Variants in ANK2 observed in about 807,000 individuals in gnomAD.
ANK2 encodes ankyrin 2, also known as ankyrin-2.
In ANK2, 83 loss-of-function variants were observed where a neutral mutation model predicts 360.5. The observed-to-expected ratio is 0.23, with a 90% CI of 0.19 to 0.28. The LOEUF is 0.28. Among genes scored for constraint, ANK2 ranks in the 10% least tolerant of loss-of-function variants. The probability of loss-of-function intolerance (pLI) is 1.00; values close to 1 mark genes in which losing one functional copy is unlikely to be tolerated. For missense variants in ANK2, 4,201 were observed against 4,795.7 expected (o/e 0.88, Z 3.66); for synonymous variants, 1,740 against 1,759.5 (o/e 0.99, Z 0.28).
chr4:113,134,079 A>T (rs1200496855), intron 1 of ANK2, among the ~76,000 whole-genome samples: 1 of 152,094 alleles, frequency 6.6e-6, no homozygotes, highest in Non-Finnish European at 1.5e-5. Context: ...AAGTGCTGAA[A>T]CCATCTATAC....
At chr4:112,856,629 G>A (rs2066472795) in intron 1 of ANK2, among the ~76,000 whole-genome samples, 1 of 152,236 alleles carries the variant, frequency 6.6e-6, no homozygotes, top group African/African-American at 2.4e-5. Context: ...TCAGGAGGCT[G>A]AGGCAGGAGA....
intron 31 of ANK2, among the ~76,000 whole-genome samples, chr4:113,337,457 T>A (rs2093694847): frequency 6.6e-6 from 1 of 152,140 alleles, no homozygotes; most frequent in Non-Finnish European, 1.5e-5. Context: ...GGCAAAAAAA[T>A]TCACATGAAT....
At chr4:113,021,927 C>T (rs2058276101) in intron 2 of ANK2, among the ~76,000 whole-genome samples, 1 of 152,150 alleles carries the variant, frequency 6.6e-6, no homozygotes, top group African/African-American at 2.4e-5. Flanking sequence ...CACTTTGAAG[C>T]TGGCAGTCCT....
Position 113,361,358 on chromosome 4 carries a change from A to G in ANK2, c.10756+461A>G, listed in dbSNP as rs186508507. The stretch of plus-strand genomic sequence containing the variant: ...ACACACATGAATGAGATATTTCACT[A>G]ATATTTTTGAGAAATGAGAGTGTTT... On this transcript the variant is annotated intron_variant, in intron 39 of 45. Transcript: ENST00000357077. Among the ~76,000 whole-genome samples, 199 of 152,226 alleles carry G rather than the reference A, an allele frequency of 1.3e-3. 1 individual carries two copies. The highest frequency in any genetic ancestry group is 4.1e-3 in the African/African-American group (171 of 41,566).
rs147636754 is a variant in ANK2 at position 113,143,577 on chromosome 4, A to T, written c.85-30839A>T. Among the ~76,000 whole-genome samples the T allele has an allele frequency of 4.3e-4, 65 of 152,330 alleles. 1 individual carries two copies. In the East Asian group the frequency reaches 8.3e-3, roughly 19 times the overall value. ...TGAATGTTTTTAAAATAGTACACTA[A>T]TTCCAAAAGTGTGCGTGGGGGAGTG... is the stretch of plus-strand genomic sequence containing the variant. On this transcript the variant is annotated intron_variant, in intron 1 of 45. Transcript: ENST00000357077.
At chr4:113,220,590 A>G (rs1376763438) in intron 4 of ANK2, among the ~76,000 whole-genome samples, 2 of 152,230 alleles carry the variant, frequency 1.3e-5, no homozygotes, top group Non-Finnish European at 2.9e-5. Context: ...AAATCCAAAG[A>G]CATAAAAAAC....
At chr4:113,181,264 C>A (rs551094735) in intron 2 of ANK2, among the ~76,000 whole-genome samples, 6 of 152,130 alleles carry the variant, frequency 3.9e-5, no homozygotes, top group Non-Finnish European at 7.3e-5. Context: ...TAGATCGGAA[C>A]AGAACACTTT....
intron 2 of ANK2, among the ~76,000 whole-genome samples, chr4:113,006,498 A>G (rs900535726): frequency 3.3e-5 from 5 of 152,212 alleles, no homozygotes; most frequent in African/African-American, 1.2e-4. Context: ...TCAGATTAGC[A>G]AACATAAGAA....
chr4:113,147,021 C>A (rs957348169), intron 1 of ANK2, among the ~76,000 whole-genome samples: 7 of 152,150 alleles, frequency 4.6e-5, no homozygotes, highest in Non-Finnish European at 1.0e-4. Flanking sequence ...GAAACTCTGT[C>A]AGACCATAGT....
the ANK2 span, among the ~76,000 whole-genome samples, chr4:112,796,551 T>C: frequency 6.6e-6 from 1 of 152,012 alleles, no homozygotes; most frequent in Non-Finnish European, 1.5e-5. Context: ...GTTCTCACCA[T>C]GTTGTTCAGG....
At chr4:112,978,912 A>C (rs2042251601) in intron 2 of ANK2, among the ~76,000 whole-genome samples, 1 of 152,256 alleles carries the variant, frequency 6.6e-6, no homozygotes, top group Admixed American at 6.5e-5. Context: ...GTGTAGGCTC[A>C]TATCTTGACT....
At chr4:113,219,558 C>T (rs947898978) in intron 4 of ANK2, among the ~76,000 whole-genome samples, 1 of 151,798 alleles carries the variant, frequency 6.6e-6, no homozygotes, top group African/African-American at 2.4e-5. Flanking sequence ...GTGTTTTCCC[C>T]TCACACAGAA....
At chr4:113,269,079 G>C (rs533215137) in intron 14 of ANK2, among the ~76,000 whole-genome samples, 2 of 152,238 alleles carry the variant, frequency 1.3e-5, no homozygotes, top group South Asian at 4.1e-4. Context: ...TTTCTGTGGG[G>C]TCAGTGGTGA....
intron 26 of ANK2, among the ~76,000 whole-genome samples, chr4:113,320,553 G>A (rs2085538266): frequency 6.6e-6 from 1 of 152,120 alleles, no homozygotes; most frequent in African/African-American, 2.4e-5. Flanking sequence ...TACTCAGGAG[G>A]GTGAGGCAGA....
chr4:112,964,499 G>T (rs559928023), intron 2 of ANK2, among the ~76,000 whole-genome samples: 1 of 151,822 alleles, frequency 6.6e-6, no homozygotes, highest in Admixed American at 6.5e-5. Context: ...TGTTGCAAAT[G>T]ACTGAATCTC....
chr4:113,193,962 G>A (rs1029650248), intron 2 of ANK2, among the ~76,000 whole-genome samples: 8 of 152,128 alleles, frequency 5.3e-5, no homozygotes, highest in Non-Finnish European at 7.3e-5. Context: ...AACATGTGCC[G>A]TATGCAAAGC....
intron 1 of ANK2, among the ~76,000 whole-genome samples, chr4:113,077,678 T>C (rs2080675631): frequency 6.6e-6 from 1 of 152,226 alleles, no homozygotes; most frequent in Non-Finnish European, 1.5e-5. Context: ...CTTAAACTAA[T>C]GGAGCTATTT....
rs1278825210 is a variant in ANK2, at chr4:113,358,624, G to A, written c.10006G>A (p.Glu3336Lys). The change falls in exon 38 of 46, where the codon GAA becomes AAA. Residue 3336 changes from glutamate to lysine, a missense_variant. Around this residue, in one of 4 missense-constraint regions of ANK2, gnomAD observed 2,642 missense variants for 2,714.5 expected, o/e 0.97. Transcript: ENST00000357077. ...SEDFLSSVDE[E>K]NKADEAKPKS... ...AGATTTTCTATCCAGTGTAGATGAG[G>A]AAAATAAGGCGGATGAAGCAAAACC... 3 of 1,613,800 alleles carry A rather than the reference G, an allele frequency of 1.9e-6. No individual in the cohort carries two copies. The highest frequency in any genetic ancestry group is 3.3e-4 in the Middle Eastern group (2 of 6,060).
At chr4:112,769,555 C>T in the ANK2 span, among the ~76,000 whole-genome samples, 3 of 152,166 alleles carry the variant, frequency 2.0e-5, no homozygotes, top group Non-Finnish European at 4.4e-5. Flanking sequence ...AGAATCATTC[C>T]TTTCCATCAG....
Sources: allele counts gnomAD v4.1 joint callset (sites outside exome capture counted in the v4.1 genomes callset), GRCh38; gene constraint gnomAD v4.1.1; regional missense constraint gnomAD v4.1.1; transcripts MANE v1.5; gene names NCBI Gene and HGNC (gene_info 2026-07-23, HGNC 2026-07-21).